The following DYNC2H1 variants were observed in gnomAD, a reference collection of about 807,000 sequenced individuals.
The protein encoded by DYNC2H1 is cytoplasmic dynein 2 heavy chain 1.
Under a neutral mutation model 570.0 loss-of-function variants are expected in DYNC2H1, and 410 were observed. That is an observed-to-expected ratio of 0.72 (90% CI 0.66 to 0.78). The LOEUF (loss-of-function observed/expected upper bound fraction) is 0.78. Among genes scored for constraint, DYNC2H1 ranks in the 30% least tolerant of loss-of-function variants. DYNC2H1 has a pLI of 0.00. For missense variants in DYNC2H1, 4,865 were observed against 5,046.4 expected (o/e 0.96, Z 1.09); for synonymous variants, 1,688 against 1,677.6 (o/e 1.01, Z -0.15).
At chr11:103,379,033 A>G (rs965804277) in intron 83 of DYNC2H1, among the ~76,000 whole-genome samples, 3 of 152,134 alleles carry the variant, frequency 2.0e-5, no homozygotes, top group African/African-American at 7.2e-5. Flanking sequence ...AACCAGCTGG[A>G]TTGCATGCTA....
intron 13 of DYNC2H1, among the ~76,000 whole-genome samples, chr11:103,132,770 T>G (rs1276742620): frequency 6.6e-6 from 1 of 151,988 alleles, no homozygotes; most frequent in Non-Finnish European, 1.5e-5. Flanking sequence ...TGCTCCATTT[T>G]ACTTTACTGA....
intron 88 of DYNC2H1, among the ~76,000 whole-genome samples, chr11:103,471,828 T>G (rs1945400000): frequency 6.6e-6 from 1 of 152,054 alleles, no homozygotes; most frequent in Non-Finnish European, 1.5e-5. Context: ...TCGGAATCAT[T>G]AGTGCAATTA....
At chr11:103,294,114 T>C (rs186887838) in intron 75 of DYNC2H1, among the ~76,000 whole-genome samples, 441 of 152,324 alleles carry the variant, frequency 2.9e-3, no homozygotes, top group African/African-American at 0.01. Context: ...TAATTCTCTG[T>C]GTTATCTTAA....
At position 103,456,369 on chromosome 11, in the gene DYNC2H1, T is replaced by G; in HGVS notation, c.12648+13T>G. 6.3e-7 allele frequency: 1 copy of G among 1,575,840 alleles called. No homozygotes were observed. The highest frequency in any genetic ancestry group is 8.6e-7 in the Non-Finnish European group (1 of 1,158,290). On this transcript the variant is annotated intron_variant, in intron 87 of 88. Transcript: ENST00000375735. ...GCTACAAATTAAGGTACTAGACTAA[T>G]TTTAGATCTTGGAATCTCAGCCTTA...
At chr11:103,336,996 A>G (rs956117378) in intron 82 of DYNC2H1, among the ~76,000 whole-genome samples, 1 of 152,172 alleles carries the variant, frequency 6.6e-6, no homozygotes, top group African/African-American at 2.4e-5. Flanking sequence ...CATGTTCGTG[A>G]TGGCCATGAC....
Position 103,428,167 on chromosome 11 carries a change from G to GTC in DYNC2H1, c.12367-7770_12367-7769dup, listed in dbSNP as rs1322581760. Among the ~76,000 whole-genome samples, 19 of 146,314 alleles carry GTC rather than the reference G, an allele frequency of 1.3e-4. No homozygotes were observed. The Admixed American group carries it at 1.3e-3, about 10-fold the overall frequency. The stretch of plus-strand genomic sequence containing the variant: ...GCATCATTAGTCAAATGGATATATG[G>GTC]TCTCTCTATAACATGAGCTTTTTTT... On this transcript the variant is annotated intron_variant, in intron 84 of 88. Transcript: ENST00000375735.
At chr11:103,276,469 C>A (rs1409291131) in intron 70 of DYNC2H1, among the ~76,000 whole-genome samples, 1 of 151,836 alleles carries the variant, frequency 6.6e-6, no homozygotes, top group Non-Finnish European at 1.5e-5. Flanking sequence ...AAGGTTTGTG[C>A]TTAATAGATG....
chr11:103,263,063 T>C (rs1442302719), intron 70 of DYNC2H1, among the ~76,000 whole-genome samples: 1 of 142,406 alleles, frequency 7.0e-6, no homozygotes, highest in African/African-American at 2.6e-5. Flanking sequence ...TTTGCAATCC[T>C]AGTCTCTGAC....
At chr11:103,202,679 T>G (rs1034315468) in intron 50 of DYNC2H1, among the ~76,000 whole-genome samples, 2 of 152,142 alleles carry the variant, frequency 1.3e-5, no homozygotes, top group Admixed American at 1.3e-4. Flanking sequence ...GGGATCAGAC[T>G]GTGATGGGCC....
At chr11:103,388,049 G>A (rs1941968063) in intron 83 of DYNC2H1, among the ~76,000 whole-genome samples, 2 of 152,276 alleles carry the variant, frequency 1.3e-5, no homozygotes, top group Middle Eastern at 6.8e-3. Context: ...GAAAGTCATT[G>A]GTAGCTTGAT....
At chr11:103,284,399 A>G (rs1024594775) in intron 73 of DYNC2H1, among the ~76,000 whole-genome samples, 2 of 152,206 alleles carry the variant, frequency 1.3e-5, no homozygotes, top group African/African-American at 4.8e-5. Context: ...TTTTTTGTTC[A>G]TACCAGTGGA....
chr11:103,280,558 T>C lies in DYNC2H1; in HGVS notation c.10761+145T>C. ...ACTAAGTTAGAAATGTAGTATAAAA[T>C]GGTGATTCCTAGTTCTACTTCCCTG... On this transcript the variant is annotated intron_variant, in intron 71 of 88. Transcript: ENST00000375735. This position sits in a 1 kb window ranked among gnomAD's most constrained non-coding sequence, Gnocchi z 4.7. The C allele has an allele frequency of 1.3e-6, 1 of 750,142 alleles. No homozygotes were observed. Among genetic ancestry groups the C allele is most frequent in the Non-Finnish European group, 2.2e-6 (1 of 463,014 alleles). The allele number at this position is 750,142 out of a possible 1,614,324, so 46.5% of individuals were successfully genotyped here.
At chr11:103,300,288 T>C (rs919018949) in intron 75 of DYNC2H1, among the ~76,000 whole-genome samples, 1 of 152,008 alleles carries the variant, frequency 6.6e-6, no homozygotes, top group Non-Finnish European at 1.5e-5. Flanking sequence ...CTTATTCTTA[T>C]TTTTTTGAAG....
intron 70 of DYNC2H1, among the ~76,000 whole-genome samples, chr11:103,269,373 T>A (rs1865616442): frequency 6.6e-6 from 1 of 152,314 alleles, no homozygotes; most frequent in African/African-American, 2.4e-5. Context: ...TGGAACCAAT[T>A]TTATATTTAA....
intron 12 of DYNC2H1, among the ~76,000 whole-genome samples, chr11:103,126,748 T>C (rs931956541): frequency 6.6e-6 from 1 of 151,958 alleles, no homozygotes; most frequent in African/African-American, 2.4e-5. Context: ...GCCATTCTCC[T>C]GCCTCAGCCT....
chr11:103,340,963 T>C (rs992217609), intron 82 of DYNC2H1, among the ~76,000 whole-genome samples: 1 of 152,036 alleles, frequency 6.6e-6, no homozygotes, highest in African/African-American at 2.4e-5. Context: ...GATTTAAAAC[T>C]CCAAGCAGAA....
chr11:103,132,148 T>A (rs1182549609), intron 13 of DYNC2H1, among the ~76,000 whole-genome samples: 2 of 152,104 alleles, frequency 1.3e-5, no homozygotes, highest in Non-Finnish European at 1.5e-5. Context: ...ATATATTAAC[T>A]CTTTTGTCTC....
chr11:103,192,916 T>G (rs1244439376), intron 47 of DYNC2H1, among the ~76,000 whole-genome samples: 1 of 152,238 alleles, frequency 6.6e-6, no homozygotes, highest in Non-Finnish European at 1.5e-5. Context: ...GGTGCTTATT[T>G]TTTCAGAGGA....
chr11:103,168,000 G>A (rs533486000), intron 31 of DYNC2H1, among the ~76,000 whole-genome samples: 3 of 152,278 alleles, frequency 2.0e-5, no homozygotes, highest in African/African-American at 7.2e-5. Flanking sequence ...AGAAGTTTAT[G>A]GGGTTATTTT....
Sources: allele counts gnomAD v4.1 joint callset (sites outside exome capture counted in the v4.1 genomes callset), GRCh38; gene constraint gnomAD v4.1.1; non-coding constraint Gnocchi (gnomAD v3.1); transcripts MANE v1.5; gene names NCBI Gene and HGNC (gene_info 2026-07-23, HGNC 2026-07-21).